ADAMTSL1: variants seen among roughly 807,000 people sequenced by gnomAD.
The protein encoded by ADAMTSL1 is ADAMTS like 1, also known as ADAMTS-like protein 1.
In ADAMTSL1, 126 loss-of-function variants were observed where a neutral mutation model predicts 201.8. That is an observed-to-expected ratio of 0.62 (90% CI 0.54 to 0.72). The LOEUF (loss-of-function observed/expected upper bound fraction) is 0.72. ADAMTSL1 is among the 30% of genes least tolerant of loss of function. The probability of loss-of-function intolerance (pLI) is 0.00; values close to 1 mark genes in which losing one functional copy is unlikely to be tolerated. For synonymous variants in ADAMTSL1, 1,121 were observed against 903.4 expected, an observed-to-expected ratio of 1.24 and a Z score of -4.32; for missense variants, 2,679 against 2,277.8, an observed-to-expected ratio of 1.18 and a Z score of -3.59.
intron 4 of ADAMTSL1, among the ~76,000 whole-genome samples, chr9:18,575,735 G>A (rs1041406383): frequency 2.6e-5 from 4 of 152,140 alleles, no homozygotes; most frequent in Admixed American, 2.0e-4. Flanking sequence ...AAAAAACTGA[G>A]GACCAGAAAA....
At position 18,328,453 on chromosome 9, in the gene ADAMTSL1, G is replaced by A. The variant is rs912470644; in HGVS notation, c.207+164472G>A. Reference sequence around the variant, plus strand: ...TACCAGGTGTCATTTTAAATTTCAAGTATTTTCCATGTATTAACTCACTTA... The same window carrying A: ...TACCAGGTGTCATTTTAAATTTCAAATATTTTCCATGTATTAACTCACTTA... On this transcript the variant is annotated intron_variant, in intron 2 of 29. Coordinates refer to the ADAMTSL1 transcript ENST00000680146. 2.6e-5 allele frequency among the ~76,000 whole-genome samples: 4 copies of A among 152,162 alleles called. No homozygotes were observed. The East Asian group carries it at 7.7e-4, about 29-fold the overall frequency.
chr9:18,593,384 T>A (rs1009282027), intron 4 of ADAMTSL1, among the ~76,000 whole-genome samples: 1 of 152,126 alleles, frequency 6.6e-6, no homozygotes, highest in Non-Finnish European at 1.5e-5. Flanking sequence ...TTTTATATTG[T>A]TTTCCTCATT....
chr9:18,565,820 A>G (rs1429738329), intron 3 of ADAMTSL1, among the ~76,000 whole-genome samples: 1 of 152,228 alleles, frequency 6.6e-6, no homozygotes, highest in African/African-American at 2.4e-5. Flanking sequence ...GCAATCTTGC[A>G]CAAATAAATG....
intron 1 of ADAMTSL1, among the ~76,000 whole-genome samples, chr9:18,142,662 A>G (rs1411791): frequency 0.76 from 114,977 of 152,024 alleles, 44,489 homozygotes; most frequent in Non-Finnish European, 0.85. Flanking sequence ...CACGGAAGTC[A>G]GAGAATCTAT....
At chr9:18,057,770 C>A (rs1822263793) in intron 1 of ADAMTSL1, among the ~76,000 whole-genome samples, 1 of 152,182 alleles carries the variant, frequency 6.6e-6, no homozygotes, top group African/African-American at 2.4e-5. Flanking sequence ...GTTCCCTCTG[C>A]CAATAATGAG....
intron 1 of ADAMTSL1, among the ~76,000 whole-genome samples, chr9:18,047,622 GGT>G (rs1248039327): frequency 6.6e-6 from 1 of 152,060 alleles, no homozygotes; most frequent in East Asian, 1.9e-4. Flanking sequence ...TTGGGGGTGG[GGT>G]GGGGTGATGA....
At chr9:18,676,620 C>G (rs1190350049) in intron 10 of ADAMTSL1, among the ~76,000 whole-genome samples, 1 of 151,910 alleles carries the variant, frequency 6.6e-6, no homozygotes, top group Non-Finnish European at 1.5e-5. Context: ...TGAGTGTGTT[C>G]ACTGCATTGG....
chr9:18,111,693 T>C (rs1825019589), intron 1 of ADAMTSL1, among the ~76,000 whole-genome samples: 1 of 152,188 alleles, frequency 6.6e-6, no homozygotes, highest in Non-Finnish European at 1.5e-5. Flanking sequence ...GTTTTGTACA[T>C]TCAGGTGCTC....
intron 17 of ADAMTSL1, among the ~76,000 whole-genome samples, chr9:18,772,734 C>A (rs1365306747): frequency 6.6e-6 from 1 of 152,162 alleles, no homozygotes; most frequent in African/African-American, 2.4e-5. Flanking sequence ...TTTGGGCTCA[C>A]TTGTCATGAG....
intron 15 of ADAMTSL1, among the ~76,000 whole-genome samples, chr9:18,737,139 A>G (rs1450631742): frequency 3.3e-5 from 5 of 151,960 alleles, no homozygotes; most frequent in Non-Finnish European, 5.9e-5. Flanking sequence ...ACCAACATGG[A>G]GAAACCTTGT....
At chr9:17,915,427 A>G (rs1037184094) in intron 1 of ADAMTSL1, among the ~76,000 whole-genome samples, 2 of 152,146 alleles carry the variant, frequency 1.3e-5, no homozygotes, top group South Asian at 2.1e-4. Flanking sequence ...ATTGCATTGT[A>G]TAGATAGACC....
At chr9:18,138,123 C>T (rs1478205546) in intron 1 of ADAMTSL1, among the ~76,000 whole-genome samples, 1 of 152,080 alleles carries the variant, frequency 6.6e-6, no homozygotes. Flanking sequence ...TCCTGAGACT[C>T]GTTTCCTCCT....
chr9:18,688,329 A>T (rs980750505), intron 13 of ADAMTSL1, among the ~76,000 whole-genome samples: 1 of 151,576 alleles, frequency 6.6e-6, no homozygotes, highest in African/African-American at 2.4e-5. Context: ...GGGTTTCACC[A>T]TGTTGGCCAG....
intron 4 of ADAMTSL1, among the ~76,000 whole-genome samples, chr9:18,594,669 T>G (rs1440474259): frequency 6.6e-6 from 1 of 152,208 alleles, no homozygotes; most frequent in East Asian, 1.9e-4. Context: ...TTAAAAATTA[T>G]TTTAATTTCT....
chr9:18,443,779 C>G (rs963815567), intron 2 of ADAMTSL1, among the ~76,000 whole-genome samples: 5 of 152,164 alleles, frequency 3.3e-5, no homozygotes, highest in Admixed American at 2.6e-4. Context: ...TGGATTATAG[C>G]TCTGTTAAAA....
At chr9:18,344,603 A>G (rs888914610) in intron 2 of ADAMTSL1, among the ~76,000 whole-genome samples, 4 of 152,152 alleles carry the variant, frequency 2.6e-5, no homozygotes, top group Admixed American at 6.5e-5. Flanking sequence ...TTCCGTATGG[A>G]GAAGTCCAAT....
intron 1 of ADAMTSL1, among the ~76,000 whole-genome samples, chr9:18,059,766 C>A (rs978976058): frequency 6.6e-6 from 1 of 152,012 alleles, no homozygotes; most frequent in Non-Finnish European, 1.5e-5. Flanking sequence ...TGGATTTCTA[C>A]CTCACCTCAT....
chr9:18,107,879 C>G (rs144778283), intron 1 of ADAMTSL1, among the ~76,000 whole-genome samples: 1,551 of 152,252 alleles, frequency 0.01, 15 homozygotes, highest in Non-Finnish European at 0.016. Context: ...TCACGACCAG[C>G]ATTGTTCTTC....
intron 2 of ADAMTSL1, among the ~76,000 whole-genome samples, chr9:18,337,374 A>G (rs747372064): frequency 1.3e-5 from 2 of 152,170 alleles, no homozygotes; most frequent in Non-Finnish European, 2.9e-5. Context: ...CTCAACTTGC[A>G]GATGGCTTAT....
Sources: gnomAD v4.1 joint callset for allele counts (sites outside exome capture counted in the v4.1 genomes callset) on GRCh38, gnomAD v4.1.1 for gene constraint, MANE v1.5 for transcripts, NCBI Gene and HGNC (gene_info 2026-07-23, HGNC 2026-07-21) for gene names.